Variants in TOGARAM2 observed in about 807,000 individuals in gnomAD.
TOGARAM2 encodes the protein TOG array regulator of axonemal microtubules protein 2.
In TOGARAM2, 85 loss-of-function variants were observed where a neutral mutation model predicts 93.3. The ratio of observed to expected loss-of-function variants is 0.91; its 90% CI spans 0.76 to 1.09. The LOEUF is 1.09. Ranked by LOEUF, TOGARAM2 falls within the 50% of genes least tolerant of loss-of-function variation. The pLI is 0.00. For missense variants in TOGARAM2, 1,277 were observed against 1,334.5 expected, an observed-to-expected ratio of 0.96 and a Z score of 0.67; for synonymous variants, 593 against 552.8, an observed-to-expected ratio of 1.07 and a Z score of -1.02.
chr2:29,003,090 G>C (rs1447673232), intron 5 of TOGARAM2, among the ~76,000 whole-genome samples: 1 of 152,212 alleles, frequency 6.6e-6, no homozygotes, highest in Non-Finnish European at 1.5e-5. Context: ...TTTTAAGCAA[G>C]AGTGTGGCAA....
At chr2:28,986,700 G>A (rs149201085) in intron 1 of TOGARAM2, among the ~76,000 whole-genome samples, 211 of 152,222 alleles carry the variant, frequency 1.4e-3, no homozygotes, top group African/African-American at 4.9e-3. Flanking sequence ...CCTCAGCCAG[G>A]CCTCTGTAGC....
In TOGARAM2 at chr2:28,994,850, G is replaced by C. The variant is rs377263694; in HGVS notation, c.16G>C (p.Asp6His). Residue 6 changes from aspartate (D) to histidine (H), a missense_variant, in exon 2 of 20, where the codon GAT becomes CAT. Coordinates refer to ENST00000379558, the MANE Select transcript of TOGARAM2 (RefSeq NM_199280.4). ...CACCCAGGACATGGGCACCCGTGAC[G>C]ATGTCCCCGAAGGTAAGGGGCACCA... is the stretch of plus-strand genomic sequence containing the variant. MGTRD[D>H]VPEAKVLVPV... 2.4e-5 allele frequency: 38 copies of C among 1,552,524 alleles called. No homozygotes were observed. The African/African-American group carries it at 4.5e-4, about 18-fold the overall frequency.
chr2:29,015,294 C>G (rs1043320166), intron 8 of TOGARAM2, among the ~76,000 whole-genome samples: 49 of 152,296 alleles, frequency 3.2e-4, no homozygotes, highest in African/African-American at 1.2e-3. Context: ...TCCTCCACCC[C>G]ACTTCTGCGC....
At chr2:28,995,111 C>T (rs776057029) in intron 2 of TOGARAM2, among the ~76,000 whole-genome samples, 7 of 152,218 alleles carry the variant, frequency 4.6e-5, no homozygotes, top group Non-Finnish European at 8.8e-5. Flanking sequence ...TTTATCTCCA[C>T]TCTCTGCAGC....
chr2:28,957,460 C>T (rs1276914266), intron 1 of TOGARAM2, among the ~76,000 whole-genome samples: 2 of 152,186 alleles, frequency 1.3e-5, no homozygotes, highest in Non-Finnish European at 2.9e-5. Flanking sequence ...GAATTACAGG[C>T]ATAAGCCACT....
chr2:28,983,199 T>TA (rs1491158838), intron 1 of TOGARAM2, among the ~76,000 whole-genome samples: 898 of 12,008 alleles, frequency 0.075, 13 homozygotes, highest in African/African-American at 0.16. Flanking sequence ...TATATATATA[T>TA]TTTTTTTTTT....
chr2:29,035,633 C>G lies in TOGARAM2; in HGVS notation c.2395C>G (p.Leu799Val). Residue 799 changes from leucine (L) to valine (V), a missense_variant, in exon 17 of 20, where the codon CTT becomes GTT. By Grantham distance (32) the Leu-to-Val change is conservative. Transcript: ENST00000379558. The stretch of plus-strand genomic sequence containing the variant: ...GGAGCTCTGCAAGGCCAAGACGGAG[C>G]TTGTCACTGCCCACCTGGTCCAGGT... ...LLELCKAKTE[L>V]VTAHLVQVFD... 2 of 1,522,956 alleles carry G rather than the reference C, an allele frequency of 1.3e-6. No homozygotes were observed. The highest frequency in any genetic ancestry group is 1.8e-6 in the Non-Finnish European group (2 of 1,132,450). The allele number at this position is 1,522,956 out of a possible 1,614,324, so 94.3% of individuals were successfully genotyped here.
intron 5 of TOGARAM2, 108 bp from the exon 6 acceptor site, chr2:29,003,384 G>A: frequency 1.1e-6 from 1 of 933,960 alleles, no homozygotes; most frequent in Non-Finnish European, 1.5e-6. Flanking sequence ...CCAGGGTGGT[G>A]TGGCTGAAAA....
chr2:29,023,446 T>A (rs1346937408), intron 12 of TOGARAM2, among the ~76,000 whole-genome samples: 2 of 152,196 alleles, frequency 1.3e-5, no homozygotes, highest in Non-Finnish European at 2.9e-5. Flanking sequence ...GCCTGCATGG[T>A]CCTCTGTACT....
rs762184901 is a variant in TOGARAM2, at chr2:29,036,604, G to C, written c.2482G>C (p.Glu828Gln). Reference sequence around the variant, plus strand: ...CAAGAAAGTGAACCAGTGGGCGCTGGAGTCCTTCGCCAAGATGATCCCCCT... The same window carrying C: ...CAAGAAAGTGAACCAGTGGGCGCTGCAGTCCTTCGCCAAGATGATCCCCCT... ...SNKKVNQWAL[E>Q]SFAKMIPLLR... is the part of the protein sequence containing the mutation. Residue 828 changes from glutamate to glutamine, a missense_variant, in exon 18 of 20, where the codon GAG (glutamate) becomes CAG (glutamine). Transcript: ENST00000379558. The C allele has an allele frequency of 3.1e-6, 5 of 1,613,782 alleles. No individual in the cohort carries two copies. The highest frequency in any genetic ancestry group is 1.3e-5 in the African/African-American group (1 of 74,866).
At position 28,957,823 on chromosome 2, in the gene TOGARAM2, G is replaced by A. The variant is rs113042658; in HGVS notation, c.-147+1126G>A. 1.3e-3 allele frequency among the ~76,000 whole-genome samples: 197 copies of A among 152,116 alleles called. 1 individual carries two copies. Among genetic ancestry groups the A allele is most frequent in the Non-Finnish European group, 2.3e-3 (155 of 67,976 alleles). ...GGAGGGTATCTTCAATAGGAGAGGT[G>A]TTTTTTTGTTTTTGTTTTTTTGCCA... On this transcript the variant is annotated intron_variant, in intron 1 of 6. Transcript: ENST00000401723.
chr2:28,959,787 G>A (rs1175837065), intron 1 of TOGARAM2, among the ~76,000 whole-genome samples: 3 of 152,082 alleles, frequency 2.0e-5, no homozygotes, highest in Non-Finnish European at 4.4e-5. Context: ...GTATATACAC[G>A]CCACTTAAAG....
intron 13 of TOGARAM2, among the ~76,000 whole-genome samples, chr2:29,025,699 G>T (rs556984697): frequency 1.0e-3 from 158 of 152,318 alleles, no homozygotes; most frequent in Middle Eastern, 0.01. Flanking sequence ...GGACAAAAGG[G>T]TCAGTGCTTC....
chr2:29,009,511 T>G (rs1572696681), intron 6 of TOGARAM2, among the ~76,000 whole-genome samples: 3 of 107,420 alleles, frequency 2.8e-5, no homozygotes, highest in Admixed American at 1.2e-4. Context: ...AGGGAGTCTG[T>G]GGGCTGAGGA....
chr2:29,044,088 G>A (rs1194167731), intron 18 of TOGARAM2, among the ~76,000 whole-genome samples: 3 of 152,210 alleles, frequency 2.0e-5, no homozygotes, highest in East Asian at 3.9e-4. Flanking sequence ...CAAATGGGGT[G>A]GTGCTCAGTC....
intron 6 of TOGARAM2, among the ~76,000 whole-genome samples, chr2:29,006,311 C>T (rs1282540857): frequency 5.8e-5 from 7 of 121,008 alleles, no homozygotes; most frequent in African/African-American, 2.0e-4. Context: ...GTGTGAGTGC[C>T]TGTGTGTGGA....
intron 6 of TOGARAM2, among the ~76,000 whole-genome samples, chr2:29,005,124 TGTGCATGTGTATGTGTGTGA>T (rs201122502): frequency 0.036 from 4,944 of 135,642 alleles, 369 homozygotes; most frequent in East Asian, 0.16. Context: ...TATGGGTGTG[TGTGCATGTGTATGTGTGTGA>T]GTGCATGTTG....
chr2:29,002,834 T>C, intron 5 of TOGARAM2, 87 bp downstream of exon 5: 1 of 1,260,118 alleles, frequency 7.9e-7, no homozygotes, highest in Admixed American at 2.0e-5. Flanking sequence ...CACCAACCCC[T>C]GACTCCATGC....
At chr2:29,033,592 C>T in intron 16 of TOGARAM2, 29 bp downstream of exon 16, 1 of 1,598,714 alleles carries the variant, frequency 6.3e-7, no homozygotes, top group Non-Finnish European at 8.5e-7. Context: ...CTCTGGGCTT[C>T]ACATCTAAGA....
Sources: allele counts gnomAD v4.1 joint callset (sites outside exome capture counted in the v4.1 genomes callset), GRCh38; gene constraint gnomAD v4.1.1; transcripts MANE v1.5; gene names NCBI Gene and HGNC (gene_info 2026-07-23, HGNC 2026-07-21).